Variants in CCDC141 observed in about 807,000 individuals in gnomAD.
CCDC141 encodes coiled-coil domain containing 141.
CCDC141 carries 168 observed loss-of-function variants against 181.0 expected under a neutral mutation model. The observed-to-expected ratio is 0.93, with a 90% confidence interval of 0.82 to 1.05. The LOEUF (loss-of-function observed/expected upper bound fraction) is 1.05, where lower values mean the gene tolerates loss of function less well. CCDC141 is among the 50% of genes least tolerant of loss of function. The pLI, the probability that CCDC141 is intolerant of heterozygous loss-of-function variation, is 0.00. For synonymous variants in CCDC141, 666 were observed against 642.3 expected (o/e 1.04, Z -0.56); for missense variants, 1,902 against 1,788.5 (o/e 1.06, Z -1.14).
chr2:178,922,607 A>G (rs1044910862), intron 6 of CCDC141, among the ~76,000 whole-genome samples: 1 of 152,244 alleles, frequency 6.6e-6, no homozygotes, highest in Admixed American at 6.5e-5. Context: ...TAATATAGAT[A>G]TAGTTGAAAA....
chr2:178,964,992 C>G (rs1173820746), intron 4 of CCDC141, among the ~76,000 whole-genome samples: 1 of 151,926 alleles, frequency 6.6e-6, no homozygotes, highest in Non-Finnish European at 1.5e-5. Flanking sequence ...TATATTAATA[C>G]CTCTATAGTT....
chr2:178,853,493 C>T lies in CCDC141; in HGVS notation c.3192G>A (p.Pro1064=), dbSNP rs151235903. 194 of 1,613,962 alleles carry T rather than the reference C, an allele frequency of 1.2e-4. No individual in the cohort carries two copies. The highest frequency in any genetic ancestry group is 5.0e-5 in the Admixed American group (3 of 59,998). The change falls in exon 20 of 24, where the codon CCG becomes CCA. Residue 1064 remains proline, a synonymous_variant. Transcript: ENST00000443758. ...CCTCCTGAATCCTTTCTTCTTGCTG[C>T]GGCACTGAGGGTGCAATAAACTTAT... ...QFNKFIAPSV[P]QQEERIQEAT...
intron 2 of CCDC141, among the ~76,000 whole-genome samples, chr2:178,987,459 T>G (rs1691809315): frequency 6.6e-6 from 1 of 152,010 alleles, no homozygotes; most frequent in African/African-American, 2.4e-5. Context: ...AAAGCCAAAA[T>G]TGACAAATGG....
intron 2 of CCDC141, among the ~76,000 whole-genome samples, chr2:178,995,081 C>A (rs1433243890): frequency 6.6e-6 from 1 of 152,230 alleles, no homozygotes; most frequent in East Asian, 1.9e-4. Context: ...GTCTATTACC[C>A]AGTTCCAAAG....
At chr2:178,842,337 C>T (rs1308899830) in intron 22 of CCDC141, among the ~76,000 whole-genome samples, 1 of 152,174 alleles carries the variant, frequency 6.6e-6, no homozygotes, top group African/African-American at 2.4e-5. Context: ...TCTTTAAGTT[C>T]TCTAATTGTC....
At chr2:178,938,856 C>A (rs1488515921) in intron 6 of CCDC141, among the ~76,000 whole-genome samples, 1 of 152,030 alleles carries the variant, frequency 6.6e-6, no homozygotes, top group African/African-American at 2.4e-5. Context: ...CTGTTTTTCT[C>A]CATGTAGATG....
rs1690391142 is a variant in CCDC141 at position 178,961,400 on chromosome 2, T to C, written c.610A>G (p.Asn204Asp). The change falls in exon 5 of 24, where the codon AAT becomes GAT. Residue 204 changes from asparagine (N) to aspartate (D), a missense_variant. Coordinates refer to ENST00000443758, the MANE Select transcript of CCDC141 (RefSeq NM_173648.4). Reference protein sequence around the residue: ...FIEKFKCEGPNVNPELTQGAH... With the variant: ...FIEKFKCEGPDVNPELTQGAH... ...CCCTGAGTCAACTCAGGATTCACAT[T>C]AGGTCCTTCACACTTGAATTTTTCT... 6.4e-7 allele frequency: 1 copy of C among 1,550,568 alleles called. No homozygotes were observed. Among genetic ancestry groups the C allele is most frequent in the Non-Finnish European group, 8.7e-7 (1 of 1,146,926 alleles).
chr2:178,820,773 A>C, the CCDC141 span, among the ~76,000 whole-genome samples: 1 of 152,180 alleles, frequency 6.6e-6, no homozygotes, highest in Non-Finnish European at 1.5e-5. Context: ...CTTAATGTCT[A>C]TATAATAAAG....
intron 7 of CCDC141, among the ~76,000 whole-genome samples, chr2:178,917,089 C>T (rs1467867350): frequency 6.6e-6 from 1 of 152,082 alleles, no homozygotes; most frequent in Non-Finnish European, 1.5e-5. Context: ...TTTTGCAAGG[C>T]TGTAAACTAT....
intron 14 of CCDC141, 123 bp from the exon 15 acceptor site, chr2:178,869,428 T>G: frequency 1.5e-6 from 1 of 658,762 alleles, no homozygotes; most frequent in Non-Finnish European, 2.4e-6. Flanking sequence ...TTATTATGAA[T>G]GCCCCCACCC....
At chr2:178,929,629 C>A (rs956661205) in intron 6 of CCDC141, among the ~76,000 whole-genome samples, 47 of 151,908 alleles carry the variant, frequency 3.1e-4, no homozygotes, top group African/African-American at 9.9e-4. Context: ...CAAACAACAA[C>A]AAAAAAATTA....
chr2:179,019,530 G>T (rs1184462540), intron 2 of CCDC141, among the ~76,000 whole-genome samples: 3 of 152,004 alleles, frequency 2.0e-5, no homozygotes, highest in African/African-American at 7.2e-5. Context: ...TTTTAGCAGT[G>T]TTCAGAAAGA....
chr2:178,827,672 C>T (rs375864900), downstream of CCDC141, among the ~76,000 whole-genome samples: 6 of 152,070 alleles, frequency 3.9e-5, no homozygotes, highest in East Asian at 1.2e-3. Context: ...TCTAGCACAC[C>T]CCAGGAGTGC....
chr2:179,045,282 C>A (rs4640421), intron 2 of CCDC141, among the ~76,000 whole-genome samples: 8 of 129,630 alleles, frequency 6.2e-5, no homozygotes, highest in Non-Finnish European at 1.2e-4. Context: ...TCGTTCTTGC[C>A]ATAGTTTACT....
chr2:178,993,831 T>A (rs942238548), intron 2 of CCDC141, among the ~76,000 whole-genome samples: 1 of 152,192 alleles, frequency 6.6e-6, no homozygotes, highest in Admixed American at 6.5e-5. Flanking sequence ...ATAGGATAAA[T>A]TGGCCAAAAT....
chr2:178,907,177 C>T (rs938266519), intron 7 of CCDC141, among the ~76,000 whole-genome samples: 3 of 152,210 alleles, frequency 2.0e-5, no homozygotes, highest in Non-Finnish European at 4.4e-5. Context: ...AATTCTTATT[C>T]AGTCAATGAA....
chr2:178,933,946 T>C (rs1443032356), intron 6 of CCDC141, among the ~76,000 whole-genome samples: 7 of 152,246 alleles, frequency 4.6e-5, no homozygotes, highest in Admixed American at 4.6e-4. Flanking sequence ...ATGAGTCTGA[T>C]AATGCCAAAT....
chr2:178,949,268 C>A (rs1411045043), intron 5 of CCDC141, among the ~76,000 whole-genome samples: 1 of 152,136 alleles, frequency 6.6e-6, no homozygotes, highest in African/African-American at 2.4e-5. Context: ...AGTTAACTAG[C>A]CTTCCTTCCA....
Position 178,831,927 on chromosome 2 carries a change from G to T in CCDC141, c.*2246C>A, listed in dbSNP as rs1684264206. On this transcript the variant is annotated 3_prime_UTR_variant, in exon 24 of 24. Transcript: ENST00000443758. ...CATGCTTTTTTCCATCATAACCATG[G>T]ATGCATATGTATCTCATTCTGCTCC... 1.3e-5 allele frequency: 2 copies of T among 151,674 alleles called. No individual in the cohort carries two copies. The highest frequency in any genetic ancestry group is 2.9e-5 in the Non-Finnish European group (2 of 67,994). The allele number at this position is 151,674 out of a possible 1,614,324, so 9.4% of individuals were successfully genotyped here. A position where few individuals can be genotyped will look rare whatever the true frequency, so the allele number is the denominator to read the frequency against.
Sources: allele counts gnomAD v4.1 joint callset (sites outside exome capture counted in the v4.1 genomes callset), GRCh38; gene constraint gnomAD v4.1.1; transcripts MANE v1.5; gene names NCBI Gene and HGNC (gene_info 2026-07-23, HGNC 2026-07-21).